Variants in MARK4 observed in about 807,000 individuals in gnomAD.
MARK4 encodes the protein microtubule affinity regulating kinase 4, also known as MAP/microtubule affinity-regulating kinase 4.
Under a neutral mutation model 81.5 loss-of-function variants are expected in MARK4, and 19 were observed. That is an observed-to-expected ratio of 0.23 (90% CI 0.16 to 0.34). The LOEUF is 0.34. MARK4 is among the 10% of genes least tolerant of loss of function. The probability of loss-of-function intolerance (pLI) is 1.00; values close to 1 mark genes in which losing one functional copy is unlikely to be tolerated. For missense variants in MARK4, 772 were observed against 1,058.8 expected, an observed-to-expected ratio of 0.73 and a Z score of 3.76; for synonymous variants, 436 against 439.0, an observed-to-expected ratio of 0.99 and a Z score of 0.08.
At position 45,280,791 on chromosome 19, in the gene MARK4, C is replaced by G. The variant is rs1184544503; in HGVS notation, c.1276+57C>G. 3.1e-6 allele frequency: 5 copies of G among 1,594,314 alleles called. No homozygotes were observed. In the African/African-American group the frequency reaches 4.0e-5, roughly 13 times the overall value. On this transcript the variant is annotated intron_variant, in intron 12 of 16. Transcript: ENST00000262891. ...TCCTTCTCCCCAAGGCCCAGACTTACAGTTACGTCAGGGTTCTCTGATTGG... is the reference window on the plus strand; with the variant it reads ...TCCTTCTCCCCAAGGCCCAGACTTAGAGTTACGTCAGGGTTCTCTGATTGG...
chr19:45,278,646 C>T, intron 10 of MARK4, 31 bp downstream of exon 10: 1 of 1,537,294 alleles, frequency 6.5e-7, no homozygotes. Flanking sequence ...TCCTGTCACC[C>T]AGGATGGAGT....
In MARK4 at chr19:45,289,864, A is replaced by C. The variant is rs563666358; in HGVS notation, c.1494+2200A>C. On this transcript the variant is annotated intron_variant, in intron 13 of 16. Transcript: ENST00000262891. Reference sequence around the variant, plus strand: ...GTAATTCCAGCACTTTGCAAGGCTGAGGTGGGTGGATTGCTTGAGCTCAGG... The same window carrying C: ...GTAATTCCAGCACTTTGCAAGGCTGCGGTGGGTGGATTGCTTGAGCTCAGG... 1.1e-4 allele frequency among the ~76,000 whole-genome samples: 16 copies of C among 152,232 alleles called. No individual in the cohort carries two copies. In the East Asian group the frequency reaches 3.1e-3, roughly 29 times the overall value.
rs1488075397 is a variant in MARK4, at chr19:45,267,058, C to T, written c.549+777C>T. Among the ~76,000 whole-genome samples, 6 of 150,884 alleles carry T rather than the reference C, an allele frequency of 4.0e-5. No individual in the cohort carries two copies. In the South Asian group the frequency reaches 6.3e-4, roughly 16 times the overall value. On this transcript the variant is annotated intron_variant, in intron 7 of 16. Transcript: ENST00000262891. Reference sequence around the variant, plus strand: ...GGAATCTGAGAACTTAAGAAGGCTTCGTTTTTATTTTTATTTTTGACATGG... The same window carrying T: ...GGAATCTGAGAACTTAAGAAGGCTTTGTTTTTATTTTTATTTTTGACATGG...
At chr19:45,294,014 C>T (rs560662838) in intron 13 of MARK4, among the ~76,000 whole-genome samples, 1 of 152,246 alleles carries the variant, frequency 6.6e-6, no homozygotes, top group African/African-American at 2.4e-5. Flanking sequence ...CATTAGCAAA[C>T]GTTTGGTGTG....
chr19:45,284,894 C>T (rs759563981), intron 12 of MARK4, among the ~76,000 whole-genome samples: 4 of 152,080 alleles, frequency 2.6e-5, no homozygotes, highest in Non-Finnish European at 5.9e-5. Flanking sequence ...AGTTTGAGAG[C>T]AGCCTGGCCA....
At chr19:45,295,066 C>T (rs895100513) in intron 14 of MARK4, among the ~76,000 whole-genome samples, 1 of 152,012 alleles carries the variant, frequency 6.6e-6, no homozygotes, top group East Asian at 1.9e-4. Context: ...AGTCACAAAT[C>T]TGTCCAGGCA....
At chr19:45,257,207 C>T (rs1405463292) in intron 1 of MARK4, among the ~76,000 whole-genome samples, 3 of 152,020 alleles carry the variant, frequency 2.0e-5, no homozygotes, top group Admixed American at 1.3e-4. Flanking sequence ...AAGCGATCCT[C>T]CCGCCTTGTC....
At chr19:45,284,813 G>A (rs1008746375) in intron 12 of MARK4, among the ~76,000 whole-genome samples, 1 of 152,060 alleles carries the variant, frequency 6.6e-6, no homozygotes, top group African/African-American at 2.4e-5. Context: ...AATTAGGCTG[G>A]GCGCAGTGGC....
chr19:45,268,440 T>C (rs1307652927), intron 7 of MARK4, among the ~76,000 whole-genome samples: 1 of 151,738 alleles, frequency 6.6e-6, no homozygotes, highest in Non-Finnish European at 1.5e-5. Context: ...AAAAATTAGG[T>C]GGTCGTTGTG....
At chr19:45,293,954 C>A (rs1437434614) in intron 13 of MARK4, among the ~76,000 whole-genome samples, 2 of 152,196 alleles carry the variant, frequency 1.3e-5, no homozygotes, top group African/African-American at 2.4e-5. Flanking sequence ...ACAGGTGAGA[C>A]AGCCAGTGCA....
At chr19:45,284,353 C>T (rs1316311218) in intron 12 of MARK4, among the ~76,000 whole-genome samples, 3 of 149,382 alleles carry the variant, frequency 2.0e-5, no homozygotes, top group South Asian at 2.1e-4. Flanking sequence ...GGCAAAGTCT[C>T]GCTCCGTTGC....
At chr19:45,273,563 C>T (rs184328657) in intron 8 of MARK4, among the ~76,000 whole-genome samples, 9 of 152,262 alleles carry the variant, frequency 5.9e-5, no homozygotes, top group Admixed American at 2.0e-4. Context: ...CATTTAGCTG[C>T]GCCATCTCTT....
chr19:45,304,076 A>G lies in MARK4; in HGVS notation c.*1366A>G, dbSNP rs1478453787. 3 of 152,248 alleles carry G rather than the reference A, an allele frequency of 2.0e-5. No homozygotes were observed. Among genetic ancestry groups the G allele is most frequent in the African/African-American group, 7.2e-5 (3 of 41,456 alleles). 9.4% of individuals were successfully genotyped at this position (152,248 alleles called of 1,614,324 possible). Reference sequence around the variant, plus strand: ...AGGTATTTGTTGGTTTATGTTACTTAATAGTCCAGGGGCACCTGGCTTCAG... The same window carrying G: ...AGGTATTTGTTGGTTTATGTTACTTGATAGTCCAGGGGCACCTGGCTTCAG... On this transcript the variant is annotated 3_prime_UTR_variant, in exon 17 of 17. Transcript: ENST00000262891.
intron 15 of MARK4, among the ~76,000 whole-genome samples, chr19:45,299,542 C>T (rs1379068995): frequency 2.0e-5 from 3 of 152,208 alleles, no homozygotes; most frequent in Non-Finnish European, 4.4e-5. Context: ...TCTGTGGCCA[C>T]TTATCTATGT....
chr19:45,278,507 T>C lies in MARK4; in HGVS notation c.907-9T>C. 1 of 1,613,224 alleles carries C rather than the reference T, an allele frequency of 6.2e-7. No individual in the cohort carries two copies. The highest frequency in any genetic ancestry group is 1.1e-5 in the South Asian group (1 of 91,068). On this transcript the variant is annotated splice_polypyrimidine_tract_variant and intron_variant, in intron 9 of 16. Transcript: ENST00000262891. ...TGTCTTCCCCCTTCCCTGCTCCTGA[T>C]GCCTGCAGCAAATCATGAAAGACAA... is the stretch of plus-strand genomic sequence containing the variant.
intron 14 of MARK4, among the ~76,000 whole-genome samples, chr19:45,297,344 G>A (rs1361004422): frequency 3.3e-5 from 5 of 152,120 alleles, no homozygotes; most frequent in African/African-American, 7.2e-5. Context: ...CTGAGGTTTC[G>A]GCAAATAGCA....
At chr19:45,272,492 A>G (rs1188029101) in intron 8 of MARK4, among the ~76,000 whole-genome samples, 2 of 152,156 alleles carry the variant, frequency 1.3e-5, no homozygotes, top group Non-Finnish European at 2.9e-5. Flanking sequence ...ATAGAGACAG[A>G]AAGTGGATTA....
rs753148066 is a variant in MARK4 at position 45,287,489 on chromosome 19, C to T, written c.1319C>T (p.Thr440Met). The T allele has an allele frequency of 1.9e-5, 29 of 1,505,150 alleles. No individual in the cohort carries two copies. Among genetic ancestry groups the T allele is most frequent in the Admixed American group, 1.1e-4 (5 of 44,276 alleles). The allele number at this position is 1,505,150 out of a possible 1,614,324, so 93.2% of individuals were successfully genotyped here. A position where few individuals can be genotyped will look rare whatever the true frequency, so the allele number is the denominator to read the frequency against. The change falls in exon 13 of 17, where the codon ACG (threonine) becomes ATG (methionine). Residue 440 changes from threonine (T) to methionine (M), a missense_variant. Around this residue, in one of 3 missense-constraint regions of MARK4, gnomAD observed 548 missense variants for 624.3 expected, o/e 0.88. Transcript: ENST00000262891. ...CCCCTGCACCCCAAACGCAGCCCGA[C>T]GAGCACGGGGGAGGCGGAGCTGAAG... ...PAPLHPKRSPTSTGEAELKEE... is the reference protein window; with the variant it reads ...PAPLHPKRSPMSTGEAELKEE...
Position 45,278,608 on chromosome 19 carries a change from G to A in MARK4, c.999G>A (p.Lys333=), listed in dbSNP as rs776950096. The A allele has an allele frequency of 5.0e-6, 8 of 1,611,652 alleles. No individual in the cohort carries two copies. Among genetic ancestry groups the A allele is most frequent in the Middle Eastern group, 3.4e-4 (2 of 5,820 alleles). The stretch of plus-strand genomic sequence containing the variant: ...CCGAGGAGGACTTCGGGGACACCAA[G>A]AGAATTGGTGAGGGTCAGGGAGAGC... ...TEPEEDFGDT[K]RIEVMVGMGY... is the part of the protein sequence containing the mutation. The change falls in exon 10 of 17, where the codon AAG becomes AAA. Residue 333 remains lysine, a synonymous_variant. Transcript: ENST00000262891.
Sources: allele counts gnomAD v4.1 joint callset (sites outside exome capture counted in the v4.1 genomes callset), GRCh38; gene constraint gnomAD v4.1.1; regional missense constraint gnomAD v4.1.1; transcripts MANE v1.5; gene names NCBI Gene and HGNC (gene_info 2026-07-23, HGNC 2026-07-21).